The following MYO3A variants were observed in gnomAD, a reference collection of about 807,000 sequenced individuals.
MYO3A encodes myosin IIIA.
Under a neutral mutation model 192.7 loss-of-function variants are expected in MYO3A, and 180 were observed. The observed-to-expected ratio is 0.93, with a 90% confidence interval of 0.83 to 1.06. The LOEUF (loss-of-function observed/expected upper bound fraction) is 1.06. Ranked by LOEUF, MYO3A falls within the 50% of genes least tolerant of loss-of-function variation. The pLI, the probability that MYO3A is intolerant of heterozygous loss-of-function variation, is 0.00. For missense variants in MYO3A, 1,896 were observed against 1,905.0 expected, an observed-to-expected ratio of 1.00 and a Z score of 0.09; for synonymous variants, 628 against 645.3, an observed-to-expected ratio of 0.97 and a Z score of 0.41.
At chr10:25,950,228 G>C (rs1317731872) in intron 2 of MYO3A, among the ~76,000 whole-genome samples, 1 of 152,120 alleles carries the variant, frequency 6.6e-6, no homozygotes, top group Non-Finnish European at 1.5e-5. Context: ...GGCTAGCAAT[G>C]AACTTACTAT....
intron 17 of MYO3A, among the ~76,000 whole-genome samples, chr10:26,104,280 A>T (rs1307445558): frequency 6.6e-6 from 1 of 152,148 alleles, no homozygotes; most frequent in African/African-American, 2.4e-5. Flanking sequence ...CAAGGTCACA[A>T]AGATTTATGC....
intron 6 of MYO3A, among the ~76,000 whole-genome samples, chr10:26,013,834 G>A (rs1406485341): frequency 6.6e-6 from 1 of 152,098 alleles, no homozygotes; most frequent in Non-Finnish European, 1.5e-5. Flanking sequence ...TTTGTTTATA[G>A]CAGCACTATT....
chr10:26,170,169 T>G lies in MYO3A; in HGVS notation c.3275-247T>G, dbSNP rs1438605260. On this transcript the variant is annotated intron_variant, in intron 28 of 34. Transcript: ENST00000642920. ...CACTTTGTCATCAACTTTGCTCATCTCTATCATTTTGATTTCATTTTAGTA... is the reference window on the plus strand; with the variant it reads ...CACTTTGTCATCAACTTTGCTCATCGCTATCATTTTGATTTCATTTTAGTA... Among the ~76,000 whole-genome samples the G allele has an allele frequency of 2.0e-5, 3 of 152,380 alleles. No individual in the cohort carries two copies. The East Asian group carries it at 5.8e-4, about 29-fold the overall frequency.
intron 31 of MYO3A, among the ~76,000 whole-genome samples, chr10:26,188,641 T>C (rs550363528): frequency 6.6e-6 from 1 of 152,378 alleles, no homozygotes; most frequent in East Asian, 1.9e-4. Flanking sequence ...AAATCTCTAA[T>C]CCATCTTGAA....
intron 6 of MYO3A, among the ~76,000 whole-genome samples, chr10:25,999,680 G>T (rs779496627): frequency 6.6e-6 from 1 of 152,122 alleles, no homozygotes; most frequent in Admixed American, 6.5e-5. Context: ...TCATTATTGG[G>T]TACTGAAGAT....
intron 17 of MYO3A, among the ~76,000 whole-genome samples, chr10:26,114,153 A>G (rs1838365944): frequency 1.3e-5 from 2 of 151,918 alleles, no homozygotes; most frequent in Non-Finnish European, 2.9e-5. Flanking sequence ...CATCAACACT[A>G]TGGCCTTCCA....
chr10:26,127,068 G>C (rs985929679), intron 19 of MYO3A, among the ~76,000 whole-genome samples: 3 of 152,058 alleles, frequency 2.0e-5, no homozygotes, highest in African/African-American at 4.8e-5. Flanking sequence ...TGTTAAATAG[G>C]GGCATTGAAT....
chr10:26,047,410 G>GT (rs34344282), intron 10 of MYO3A, among the ~76,000 whole-genome samples: 2 of 152,130 alleles, frequency 1.3e-5, no homozygotes, highest in African/African-American at 4.8e-5. Context: ...AAGTTTTTGT[G>GT]TTTTTTCCTT....
intron 15 of MYO3A, among the ~76,000 whole-genome samples, chr10:26,092,364 G>A (rs992229276): frequency 2.0e-5 from 3 of 152,088 alleles, no homozygotes; most frequent in African/African-American, 7.2e-5. Context: ...TACTCAGGAG[G>A]CTGAGGCAGG....
At chr10:25,967,114 T>C (rs553970839) in intron 4 of MYO3A, among the ~76,000 whole-genome samples, 1 of 152,178 alleles carries the variant, frequency 6.6e-6, no homozygotes, top group Non-Finnish European at 1.5e-5. Context: ...GAGGAAGTTA[T>C]GCAGAAAAAA....
intron 14 of MYO3A, among the ~76,000 whole-genome samples, chr10:26,073,651 A>G (rs1354124346): frequency 1.1e-4 from 5 of 43,594 alleles, no homozygotes; most frequent in African/African-American, 3.0e-4. Context: ...AATAATAATG[A>G]TAATAAATAA....
At chr10:26,179,747 C>T (rs931023729) in intron 31 of MYO3A, among the ~76,000 whole-genome samples, 8 of 152,156 alleles carry the variant, frequency 5.3e-5, no homozygotes, top group South Asian at 2.1e-4. Context: ...GAAAAATATA[C>T]GAAGTTACCT....
At position 26,173,785 on chromosome 10, in the gene MYO3A, A is replaced by G; in HGVS notation, c.3521A>G (p.Glu1174Gly). The G allele has an allele frequency of 6.2e-7, 1 of 1,614,196 alleles. No individual in the cohort carries two copies. Among genetic ancestry groups the G allele is most frequent in the Admixed American group, 1.7e-5 (1 of 60,030 alleles). ...ACTTCCACTTTCAAACCTGAAGAGG[A>G]AACCACCAATGCTGTGGAGAGTAAC... ...VKTSTFKPEE[E>G]TTNAVESNNR... Residue 1174 changes from glutamate to glycine, a missense_variant, in exon 30 of 35, where the codon GAA becomes GGA. Coordinates refer to ENST00000642920, the MANE Select transcript of MYO3A (RefSeq NM_017433.5).
chr10:26,170,364 A>G (rs1841982476), intron 28 of MYO3A, 52 bp from the exon 29 acceptor site: 1 of 1,591,146 alleles, frequency 6.3e-7, no homozygotes, highest in African/African-American at 1.4e-5. Flanking sequence ...TTTAAAGTAA[A>G]TTTCTTTTAT....
intron 17 of MYO3A, among the ~76,000 whole-genome samples, chr10:26,111,690 G>C (rs1838191314): frequency 6.6e-6 from 1 of 152,212 alleles, no homozygotes; most frequent in Non-Finnish European, 1.5e-5. Context: ...AAAGAAAAAA[G>C]CAGCAGTCAT....
At position 26,174,618 on chromosome 10, in the gene MYO3A, A is replaced by G. The variant is rs185898219; in HGVS notation, c.4293+61A>G. ...TCCCTGGGAACTATACAATAACTGA[A>G]TTAAACACATAATTAATAACTGGTA... On this transcript the variant is annotated intron_variant, in intron 30 of 34. Transcript: ENST00000642920. 4.0e-5 allele frequency: 54 copies of G among 1,351,142 alleles called. 1 individual carries two copies. The East Asian group carries it at 1.1e-3, about 27-fold the overall frequency. The allele number at this position is 1,351,142 out of a possible 1,614,324, so 83.7% of individuals were successfully genotyped here. A position where few individuals can be genotyped will look rare whatever the true frequency, so the allele number is the denominator to read the frequency against.
chr10:26,023,646 C>T (rs190393735), intron 8 of MYO3A, among the ~76,000 whole-genome samples: 25 of 152,256 alleles, frequency 1.6e-4, no homozygotes, highest in Non-Finnish European at 2.6e-4. Flanking sequence ...CTTCTGTGTT[C>T]CCTGGATGTT....
At chr10:26,193,093 C>T (rs966976280) in intron 31 of MYO3A, 112 bp from the exon 32 acceptor site, 6 of 874,358 alleles carry the variant, frequency 6.9e-6, no homozygotes, top group African/African-American at 6.8e-5. Flanking sequence ...CCTTTTTCTC[C>T]AGCCTTAGCC....
intron 26 of MYO3A, among the ~76,000 whole-genome samples, chr10:26,158,917 C>T (rs956080711): frequency 7.2e-5 from 11 of 152,128 alleles, no homozygotes; most frequent in African/African-American, 1.4e-4. Flanking sequence ...TCCCCTCCTC[C>T]GTAAAACTTT....
Sources: allele counts gnomAD v4.1 joint callset (sites outside exome capture counted in the v4.1 genomes callset), GRCh38; gene constraint gnomAD v4.1.1; transcripts MANE v1.5; gene names NCBI Gene and HGNC (gene_info 2026-07-23, HGNC 2026-07-21).